DNM3: variants seen among roughly 807,000 people sequenced by gnomAD.
The protein encoded by DNM3 is dynamin 3.
Under a neutral mutation model 101.6 loss-of-function variants are expected in DNM3, and 47 were observed. The observed-to-expected ratio is 0.46, with a 90% CI of 0.37 to 0.59. The LOEUF is 0.59. DNM3 is among the 20% of genes least tolerant of loss of function. The pLI, the probability that DNM3 is intolerant of heterozygous loss-of-function variation, is 0.00. For synonymous variants in DNM3, 385 were observed against 387.9 expected (o/e 0.99, Z 0.09); for missense variants, 849 against 1,085.7 (o/e 0.78, Z 3.06).
chr1:172,234,393 C>G (rs1375132590), intron 14 of DNM3, among the ~76,000 whole-genome samples: 1 of 152,044 alleles, frequency 6.6e-6, no homozygotes, highest in Admixed American at 6.6e-5. Context: ...AAAGAGGATA[C>G]AAATGGAAGA....
At chr1:172,315,582 G>A (rs554278697) in intron 16 of DNM3, among the ~76,000 whole-genome samples, 20 of 152,320 alleles carry the variant, frequency 1.3e-4, no homozygotes, top group African/African-American at 4.1e-4. Context: ...CGAGAACTAC[G>A]TGAAGAATGC....
At chr1:172,222,333 G>T (rs2060937707) in intron 14 of DNM3, among the ~76,000 whole-genome samples, 1 of 152,126 alleles carries the variant, frequency 6.6e-6, no homozygotes, top group African/African-American at 2.4e-5. Flanking sequence ...AAGAAATTCT[G>T]AACAGATTTT....
At chr1:172,090,440 T>G (rs1004516939) in intron 12 of DNM3, among the ~76,000 whole-genome samples, 1 of 152,258 alleles carries the variant, frequency 6.6e-6, no homozygotes, top group East Asian at 1.9e-4. Context: ...TGGATCCTGG[T>G]TACCTCTTTC....
At position 172,019,919 on chromosome 1, in the gene DNM3, G is replaced by GTT. The variant is rs146361999; in HGVS notation, c.590-12474_590-12473dup. Among the ~76,000 whole-genome samples, 485 of 146,496 alleles carry GTT rather than the reference G, an allele frequency of 3.3e-3. 3 individuals are homozygous for GTT. The highest frequency in any genetic ancestry group is 0.011 in the African/African-American group (455 of 40,226). On this transcript the variant is annotated intron_variant, in intron 4 of 20. Transcript: ENST00000627582. Reference sequence around the variant, plus strand: ...ACTCTTAGGATGTTAATCACAGTTTGTTTTTTTTTTATTCCCAGTCTGATA... The same window carrying GTT: ...ACTCTTAGGATGTTAATCACAGTTTGTTTTTTTTTTTTATTCCCAGTCTGATA...
In DNM3 at chr1:171,982,745, A is replaced by G. The variant is rs1316289031; in HGVS notation, c.236-4911A>G. Among the ~76,000 whole-genome samples, 6 of 152,158 alleles carry G rather than the reference A, an allele frequency of 3.9e-5. 1 individual carries two copies. The highest frequency in any genetic ancestry group is 8.8e-5 in the Non-Finnish European group (6 of 68,034). On this transcript the variant is annotated intron_variant, in intron 2 of 20. Coordinates refer to ENST00000627582, the MANE Select transcript of DNM3 (RefSeq NM_015569.5). ...ATATAAACTGTATAATAGTACTTAT[A>G]CAGTTTAACCAGTGAGATGGTTAAA...
At position 171,987,686 on chromosome 1, in the gene DNM3, A is replaced by G. The variant is rs1345200287; in HGVS notation, c.266A>G (p.Lys89Arg). 3 of 1,592,136 alleles carry G rather than the reference A, an allele frequency of 1.9e-6. No individual in the cohort carries two copies. The highest frequency in any genetic ancestry group is 2.6e-6 in the Non-Finnish European group (3 of 1,171,012). The change falls in exon 3 of 21, where the codon AAG (lysine) becomes AGG (arginine). Residue 89 changes from lysine (K) to arginine (R), a missense_variant. Transcript: ENST00000627582. ...EYAEFLHCKGKKFTDFDEVRL... is the reference protein window; with the variant it reads ...EYAEFLHCKGRKFTDFDEVRL... The stretch of plus-strand genomic sequence containing the variant: ...GCCGAGTTTCTACATTGCAAAGGAA[A>G]GAAATTTACAGATTTTGATGAAGTT...
rs2046905519 is a variant in DNM3, at chr1:172,008,952, A to G, written c.589+19804A>G. ...AATTAAATATTAATAAATATATTAT[A>G]TTAATATATTTATATATTAAACCTA... On this transcript the variant is annotated intron_variant, in intron 4 of 20. Coordinates refer to ENST00000627582, the MANE Select transcript of DNM3 (RefSeq NM_015569.5). Among the ~76,000 whole-genome samples the G allele has an allele frequency of 6.5e-5, 9 of 138,172 alleles. No homozygotes were observed. The South Asian group carries it at 1.9e-3, about 29-fold the overall frequency. The allele number at this position is 138,172 out of a possible 152,430, so 90.6% of individuals were successfully genotyped here.
chr1:171,891,345 GC>G (rs2125173939), intron 1 of DNM3, among the ~76,000 whole-genome samples: 1 of 129,748 alleles, frequency 7.7e-6, no homozygotes, highest in Non-Finnish European at 1.6e-5. Flanking sequence ...ATGGGCAAGT[GC>G]TAAAAAAAAA....
intron 17 of DNM3, among the ~76,000 whole-genome samples, chr1:172,336,488 A>AATTATAATTTATATATATAAAT (rs1359608758): frequency 6.8e-6 from 1 of 146,974 alleles, no homozygotes. Flanking sequence ...GGTTTTCTAT[A>AATTATAATTTATATATATAAAT]ATTATAATTT....
At chr1:172,188,614 A>G (rs2059601516) in intron 14 of DNM3, among the ~76,000 whole-genome samples, 1 of 152,060 alleles carries the variant, frequency 6.6e-6, no homozygotes, top group African/African-American at 2.4e-5. Flanking sequence ...TTTTTTGGCA[A>G]TTATGAAAAA....
intron 14 of DNM3, among the ~76,000 whole-genome samples, chr1:172,174,617 C>G (rs895804843): frequency 6.6e-6 from 1 of 151,620 alleles, no homozygotes; most frequent in South Asian, 2.1e-4. Flanking sequence ...TCTCTTCTTA[C>G]TCTTTAATAT....
intron 14 of DNM3, among the ~76,000 whole-genome samples, chr1:172,177,884 T>G (rs2059209180): frequency 6.8e-6 from 1 of 147,774 alleles, no homozygotes; most frequent in African/African-American, 2.7e-5. Context: ...TTTTATAGGG[T>G]TTTTTTCCCT....
intron 14 of DNM3, chr1:172,133,463 G>A: frequency 1.0e-6 from 1 of 979,246 alleles, no homozygotes; most frequent in Non-Finnish European, 1.2e-6. Flanking sequence ...GTAGTTGGGG[G>A]CAGGTGAGAG....
intron 14 of DNM3, among the ~76,000 whole-genome samples, chr1:172,232,972 A>G (rs969223596): frequency 1.3e-5 from 2 of 152,184 alleles, no homozygotes; most frequent in Non-Finnish European, 2.9e-5. Context: ...CATCACAATT[A>G]AAAGAACTAG....
intron 10 of DNM3, among the ~76,000 whole-genome samples, chr1:172,053,353 C>T (rs1252439378): frequency 6.6e-6 from 1 of 152,106 alleles, no homozygotes; most frequent in Non-Finnish European, 1.5e-5. Context: ...GCAGCTCAAT[C>T]ATCCTATTTT....
At chr1:172,401,365 G>A (rs986287655) in intron 20 of DNM3, among the ~76,000 whole-genome samples, 8 of 152,158 alleles carry the variant, frequency 5.3e-5, no homozygotes, top group Non-Finnish European at 7.3e-5. Flanking sequence ...TAGGCACCAT[G>A]CCTATGGGTG....
chr1:172,346,894 T>TAACA (rs2066967829), intron 17 of DNM3, among the ~76,000 whole-genome samples: 1 of 152,158 alleles, frequency 6.6e-6, no homozygotes, highest in Admixed American at 6.5e-5. Flanking sequence ...CAAAGACTCC[T>TAACA]AACAGGAGCC....
intron 14 of DNM3, among the ~76,000 whole-genome samples, chr1:172,221,374 C>T (rs2060900725): frequency 6.6e-6 from 1 of 152,040 alleles, no homozygotes; most frequent in African/African-American, 2.4e-5. Flanking sequence ...CTCTCAGTTT[C>T]TTCAACTGTG....
intron 14 of DNM3, among the ~76,000 whole-genome samples, chr1:172,239,800 C>CTTTTT (rs71107343): frequency 3.2e-4 from 35 of 108,368 alleles, no homozygotes; most frequent in Middle Eastern, 5.7e-3. Flanking sequence ...TTTTTTTTCT[C>CTTTTT]TTTTTTTTTT....
Sources: allele counts gnomAD v4.1 joint callset (sites outside exome capture counted in the v4.1 genomes callset), GRCh38; gene constraint gnomAD v4.1.1; transcripts MANE v1.5; gene names NCBI Gene and HGNC (gene_info 2026-07-23, HGNC 2026-07-21).